SEC24D: variants seen among roughly 807,000 people sequenced by gnomAD.
The protein encoded by SEC24D is SEC24 homolog D, COPII component.
In SEC24D, 69 loss-of-function variants were observed where a neutral mutation model predicts 116.9. That is an observed-to-expected ratio of 0.59 (90% CI 0.49 to 0.72). The LOEUF (loss-of-function observed/expected upper bound fraction) is 0.72, where lower values mean the gene tolerates loss of function less well. Ranked by LOEUF, SEC24D falls within the 30% of genes least tolerant of loss-of-function variation. The pLI, the probability that SEC24D is intolerant of heterozygous loss-of-function variation, is 0.00. For missense variants in SEC24D, 1,131 were observed against 1,264.1 expected, an observed-to-expected ratio of 0.89 and a Z score of 1.60; for synonymous variants, 405 against 442.8, an observed-to-expected ratio of 0.91 and a Z score of 1.07.
intron 3 of SEC24D, among the ~76,000 whole-genome samples, chr4:118,818,599 C>T (rs187622465): frequency 7.4e-4 from 112 of 152,276 alleles, no homozygotes; most frequent in African/African-American, 2.5e-3. Flanking sequence ...GTATCTCACA[C>T]TTTGAGATAA....
At chr4:118,784,548 T>G (rs942385158) in intron 8 of SEC24D, among the ~76,000 whole-genome samples, 31 of 152,326 alleles carry the variant, frequency 2.0e-4, no homozygotes, top group Admixed American at 2.0e-3. Flanking sequence ...GTGATCTTTG[T>G]GGTAGATGAA....
intron 13 of SEC24D, among the ~76,000 whole-genome samples, chr4:118,750,872 T>A (rs116422832): frequency 6.6e-6 from 1 of 151,918 alleles, no homozygotes; most frequent in South Asian, 2.1e-4. Flanking sequence ...TTGAGTGATA[T>A]CCACAATAGT....
chr4:118,731,263 T>A (rs1725669695), intron 21 of SEC24D, 53 bp downstream of exon 21: 1 of 1,450,264 alleles, frequency 6.9e-7, no homozygotes, highest in Non-Finnish European at 9.7e-7. Context: ...ATAAAAACAT[T>A]TACGAATTTA....
chr4:118,755,620 C>T (rs1227970668), intron 11 of SEC24D, among the ~76,000 whole-genome samples: 1 of 151,938 alleles, frequency 6.6e-6, no homozygotes, highest in Non-Finnish European at 1.5e-5. Flanking sequence ...AAGAATGAGG[C>T]CTTCCTTTTT....
chr4:118,729,292 G>A (rs1398081758), intron 21 of SEC24D: 1 of 151,996 alleles, frequency 6.6e-6, no homozygotes, highest in Non-Finnish European at 1.5e-5. Flanking sequence ...ATATATGGGG[G>A]TATATGTACA....
chr4:118,726,661 G>A (rs1422960226), intron 22 of SEC24D, among the ~76,000 whole-genome samples: 1 of 152,174 alleles, frequency 6.6e-6, no homozygotes, highest in East Asian at 1.9e-4. Flanking sequence ...GAAAATACAA[G>A]TGGAAGGAGA....
intron 20 of SEC24D, 57 bp from the exon 21 acceptor site, chr4:118,731,564 C>T: frequency 2.7e-6 from 4 of 1,477,622 alleles, no homozygotes; most frequent in Non-Finnish European, 3.8e-6. Flanking sequence ...CCCTTCCCTC[C>T]TTCCTCTTTT....
At chr4:118,818,315 T>C (rs955260760) in intron 3 of SEC24D, among the ~76,000 whole-genome samples, 8 of 152,304 alleles carry the variant, frequency 5.3e-5, no homozygotes, top group Middle Eastern at 3.4e-3. Context: ...CCATGGCCCA[T>C]GTCTTGCCTT....
At position 118,745,044 on chromosome 4, in the gene SEC24D, C is replaced by G. The variant is rs1726439532; in HGVS notation, c.1724G>C (p.Gly575Ala). ...GGAAGAATGGAAGATGAACAGCTTC[C>G]CAGGACAGTCTGCTGCCTAAAAAAA... ...MEALKAADCP[G>A]KLFIFHSSLP... The change falls in exon 14 of 23, where the codon GGG becomes GCG. Residue 575 changes from glycine to alanine, a missense_variant. Gly to Ala is a moderately conservative substitution (Grantham distance 60). Transcript: ENST00000280551. 1 of 1,604,112 alleles carries G rather than the reference C, an allele frequency of 6.2e-7. No individual in the cohort carries two copies. Among genetic ancestry groups the G allele is most frequent in the Non-Finnish European group, 8.5e-7 (1 of 1,175,420 alleles).
At chr4:118,811,866 T>C (rs1320636628) in intron 6 of SEC24D, among the ~76,000 whole-genome samples, 2 of 152,208 alleles carry the variant, frequency 1.3e-5, no homozygotes, top group African/African-American at 2.4e-5. Context: ...TAAATTCAAA[T>C]ATAGAATAAG....
intron 4 of SEC24D, among the ~76,000 whole-genome samples, chr4:118,815,950 C>A (rs1203197936): frequency 6.6e-6 from 1 of 151,908 alleles, no homozygotes; most frequent in Non-Finnish European, 1.5e-5. Flanking sequence ...AGGACAGGGT[C>A]TTGCTCTGTC....
chr4:118,811,530 C>T (rs1729922349), intron 6 of SEC24D, among the ~76,000 whole-genome samples: 4 of 152,138 alleles, frequency 2.6e-5, no homozygotes, highest in Admixed American at 2.6e-4. Context: ...GATTACTTTC[C>T]ATAATGTGGC....
At chr4:118,823,299 T>G (rs1730471960) in intron 3 of SEC24D, among the ~76,000 whole-genome samples, 1 of 152,204 alleles carries the variant, frequency 6.6e-6, no homozygotes, top group Non-Finnish European at 1.5e-5. Flanking sequence ...AATGTCATGT[T>G]ATCATGACAA....
chr4:118,768,220 T>A lies in SEC24D; in HGVS notation c.1133A>T (p.Glu378Val). The A allele has an allele frequency of 1.2e-6, 2 of 1,613,964 alleles. No homozygotes were observed. Among genetic ancestry groups the A allele is most frequent in the Non-Finnish European group, 1.7e-6 (2 of 1,179,874 alleles). The stretch of plus-strand genomic sequence containing the variant: ...TCCACACTGATATCTCCTTCCTCCT[T>A]CGATGAACTGCATAAATGGGCACAT... ...AYMCPFMQFIEGGRRYQCGFC... is the reference protein window; with the variant it reads ...AYMCPFMQFIVGGRRYQCGFC... Residue 378 changes from glutamate to valine, a missense_variant, in exon 9 of 23, where the codon GAA becomes GTA. Physicochemically the swap from Glu to Val is moderately radical, Grantham distance 121. Coordinates refer to ENST00000280551, the MANE Select transcript of SEC24D (RefSeq NM_014822.4).
intron 7 of SEC24D, among the ~76,000 whole-genome samples, chr4:118,804,388 A>T (rs17258830): frequency 0.049 from 7,466 of 152,218 alleles, 223 homozygotes; most frequent in Non-Finnish European, 0.063. Flanking sequence ...AGACGATGAG[A>T]TTGGTATATG....
intron 11 of SEC24D, among the ~76,000 whole-genome samples, chr4:118,753,149 C>T (rs1407200192): frequency 6.6e-6 from 1 of 152,114 alleles, no homozygotes; most frequent in Non-Finnish European, 1.5e-5. Context: ...GTTCATATTT[C>T]TGTAACATAT....
At position 118,732,735 on chromosome 4, in the gene SEC24D, T is replaced by G. The variant is rs1201806946; in HGVS notation, c.2674A>C (p.Ile892Leu). 4 of 1,613,578 alleles carry G rather than the reference T, an allele frequency of 2.5e-6. No individual in the cohort carries two copies. In the South Asian group the frequency reaches 4.4e-5, roughly 18 times the overall value. ...ATGCACCACCCCAGCATGCTTACTA[T>G]GGGCAGAAGTTGTGGGTAGAAGAAA... is the stretch of plus-strand genomic sequence containing the variant. ...QLFFYPQLLP[I>L]HTLDVKSTML... Residue 892 changes from isoleucine to leucine, a missense_variant and splice_region_variant, in exon 20 of 23, where the codon ATA (isoleucine) becomes CTA (leucine). By Grantham distance (5) the Ile-to-Leu change is conservative (BLOSUM62 2). Transcript: ENST00000280551.
At chr4:118,791,366 TG>T (rs1326888391) in intron 8 of SEC24D, among the ~76,000 whole-genome samples, 2 of 152,222 alleles carry the variant, frequency 1.3e-5, no homozygotes, top group East Asian at 3.8e-4. Flanking sequence ...AGAGTCTCTG[TG>T]GTTTTGCATC....
At chr4:118,726,380 G>A (rs1304747534) in intron 22 of SEC24D, among the ~76,000 whole-genome samples, 1 of 152,194 alleles carries the variant, frequency 6.6e-6, no homozygotes, top group Non-Finnish European at 1.5e-5. Context: ...AGTCAACCTT[G>A]TAAATGCATA....
Sources: allele counts gnomAD v4.1 joint callset (sites outside exome capture counted in the v4.1 genomes callset), GRCh38; gene constraint gnomAD v4.1.1; transcripts MANE v1.5; gene names NCBI Gene and HGNC (gene_info 2026-07-23, HGNC 2026-07-21).